The following CCDC88A variants were observed in gnomAD, a reference collection of about 807,000 sequenced individuals.
The protein encoded by CCDC88A is coiled-coil and HOOK domain protein 88A.
A neutral mutation model predicts 234.3 loss-of-function variants in CCDC88A; 54 were observed. The observed-to-expected ratio is 0.23, with a 90% CI of 0.19 to 0.29. CCDC88A has a LOEUF of 0.29. CCDC88A is among the 10% of genes least tolerant of loss of function. The pLI, the probability that CCDC88A is intolerant of heterozygous loss-of-function variation, is 1.00. For missense variants in CCDC88A, 1,832 were observed against 2,123.4 expected, an observed-to-expected ratio of 0.86 and a Z score of 2.70; for synonymous variants, 753 against 737.8, an observed-to-expected ratio of 1.02 and a Z score of -0.33.
intron 12 of CCDC88A, 88 bp from the exon 13 acceptor site, chr2:55,339,736 T>C: frequency 1.0e-6 from 1 of 986,594 alleles, no homozygotes; most frequent in Non-Finnish European, 1.5e-6. Flanking sequence ...TGAGTGTATA[T>C]GCATTGCATC....
At chr2:55,359,089 AGC>A (rs1670959154) in intron 7 of CCDC88A, among the ~76,000 whole-genome samples, 1 of 152,198 alleles carries the variant, frequency 6.6e-6, no homozygotes, top group Admixed American at 6.5e-5. Context: ...ATTATATGCT[AGC>A]TCATATTTTG....
At chr2:55,371,950 T>C (rs1018571131) in intron 5 of CCDC88A, among the ~76,000 whole-genome samples, 8 of 152,208 alleles carry the variant, frequency 5.3e-5, no homozygotes, top group Non-Finnish European at 8.8e-5. Flanking sequence ...CTATAAATCA[T>C]AGCTATTATT....
At chr2:55,375,469 CTATATATATATATA>C (rs869279076) in intron 3 of CCDC88A, among the ~76,000 whole-genome samples, 1,230 of 26,574 alleles carry the variant, frequency 0.046, 25 homozygotes, top group Admixed American at 0.097. Flanking sequence ...TGTCACTGTA[CTATATATATATATA>C]TATATATATA....
chr2:55,370,641 C>CA (rs567431857), intron 5 of CCDC88A, among the ~76,000 whole-genome samples: 564 of 47,498 alleles, frequency 0.012, 22 homozygotes, highest in South Asian at 0.022. Flanking sequence ...AACTCTGTCT[C>CA]AAAAAAAAAA....
chr2:55,342,473 C>T (rs931598530), intron 12 of CCDC88A, among the ~76,000 whole-genome samples: 8 of 152,150 alleles, frequency 5.3e-5, no homozygotes, highest in African/African-American at 1.9e-4. Flanking sequence ...AGATGATATT[C>T]ACTATTTTGT....
Position 55,332,426 on chromosome 2 carries a change from A to G in CCDC88A, c.2855+140T>C, listed in dbSNP as rs1447084545. The G allele has an allele frequency of 1.5e-6, 2 of 1,349,772 alleles. No individual in the cohort carries two copies. Among genetic ancestry groups the G allele is most frequent in the Non-Finnish European group, 1.9e-6 (2 of 1,049,786 alleles). The allele number at this position is 1,349,772 out of a possible 1,614,324, so 83.6% of individuals were successfully genotyped here. A position where few individuals can be genotyped will look rare whatever the true frequency, so the allele number is the denominator to read the frequency against. ...TGTGAGCCACCGCACCCGGCTACAGAACTTTCCTTAAGGGAAGGAAGGAAC... is the reference window on the plus strand; with the variant it reads ...TGTGAGCCACCGCACCCGGCTACAGGACTTTCCTTAAGGGAAGGAAGGAAC... On this transcript the variant is annotated intron_variant, in intron 16 of 32. Coordinates refer to ENST00000436346, the MANE Select transcript of CCDC88A (RefSeq NM_001365480.1). The surrounding 1 kb of genome is among the most constrained non-coding windows in gnomAD (Gnocchi z 4.5).
At chr2:55,413,506 T>G (rs1043668616) in intron 2 of CCDC88A, among the ~76,000 whole-genome samples, 1 of 152,210 alleles carries the variant, frequency 6.6e-6, no homozygotes, top group Non-Finnish European at 1.5e-5. Context: ...CAAGTCTATG[T>G]CTATCTGACA....
chr2:55,336,408 T>A (rs1685467269), intron 14 of CCDC88A, among the ~76,000 whole-genome samples: 1 of 152,050 alleles, frequency 6.6e-6, no homozygotes. Context: ...GGCAGCCCTA[T>A]TCCACAGACA....
intron 2 of CCDC88A, among the ~76,000 whole-genome samples, chr2:55,402,165 T>C (rs1323975954): frequency 1.3e-5 from 2 of 152,024 alleles, no homozygotes; most frequent in Middle Eastern, 3.2e-3. Flanking sequence ...AAATTTAAAA[T>C]AAAGAATTTT....
intron 2 of CCDC88A, among the ~76,000 whole-genome samples, chr2:55,401,363 G>C (rs1315899905): frequency 6.8e-6 from 1 of 147,758 alleles, no homozygotes; most frequent in East Asian, 2.0e-4. Context: ...GAGGCCAGGA[G>C]TCAGAAGCTT....
At chr2:55,294,900 C>T in intron 31 of CCDC88A, 1 of 1,123,306 alleles carries the variant, frequency 8.9e-7, no homozygotes, top group Non-Finnish European at 1.1e-6. Context: ...TACACATTCA[C>T]ATTAATATAC....
intron 2 of CCDC88A, among the ~76,000 whole-genome samples, chr2:55,395,726 A>C (rs535183807): frequency 1.3e-5 from 2 of 152,356 alleles, no homozygotes; most frequent in African/African-American, 2.4e-5. Context: ...TGTCTCAAAA[A>C]TCAGTTGACT....
chr2:55,328,360 A>G lies in CCDC88A; in HGVS notation c.2931T>C (p.Ala977=), dbSNP rs774231300. 3.1e-6 allele frequency: 5 copies of G among 1,602,222 alleles called. No homozygotes were observed. The highest frequency in any genetic ancestry group is 8.5e-7 in the Non-Finnish European group (1 of 1,174,864). The change falls in exon 17 of 33, where the codon GCT becomes GCC. Residue 977 remains alanine, a synonymous_variant. Coordinates refer to ENST00000436346, the MANE Select transcript of CCDC88A (RefSeq NM_001365480.1). This position sits in a 1 kb window ranked among gnomAD's most constrained non-coding sequence, Gnocchi z 4.3. ...ATTCTTCTAATCGAGCTTCTAAAGC[A>G]GCAATTTTTTCTTCTTTTATTTCAA... ...KSLEIKEEKI[A]ALEARLEEST...
chr2:55,380,635 A>G (rs1344147144), intron 3 of CCDC88A, among the ~76,000 whole-genome samples: 1 of 152,118 alleles, frequency 6.6e-6, no homozygotes. Flanking sequence ...TATTTTTTTG[A>G]GACAGAGTCT....
chr2:55,391,151 T>G (rs1378737048), intron 2 of CCDC88A, among the ~76,000 whole-genome samples: 1 of 151,806 alleles, frequency 6.6e-6, no homozygotes, highest in East Asian at 1.9e-4. Flanking sequence ...TAGAGTGGAG[T>G]AGACTTAATG....
At chr2:55,355,263 G>C (rs923787056) in intron 8 of CCDC88A, 1 of 270,930 alleles carries the variant, frequency 3.7e-6, no homozygotes, top group East Asian at 1.1e-4. Flanking sequence ...ATCTCCATCA[G>C]TAGTTCCTAG....
rs1415951060 is a variant in CCDC88A at position 55,301,294 on chromosome 2, A to C, written c.4673-17T>G. 1.0e-5 allele frequency: 13 copies of C among 1,294,816 alleles called. No homozygotes were observed. Among genetic ancestry groups the C allele is most frequent in the Non-Finnish European group, 1.4e-5 (13 of 915,996 alleles). The allele number at this position is 1,294,816 out of a possible 1,614,324, so 80.2% of individuals were successfully genotyped here. On this transcript the variant is annotated splice_polypyrimidine_tract_variant and intron_variant, in intron 27 of 32. Coordinates refer to ENST00000436346, the MANE Select transcript of CCDC88A (RefSeq NM_001365480.1). ...ATGTAGTATCTACATAAAATAGCAA[A>C]ATGGATATAAAGATATTTTTGTAAT...
At chr2:55,403,954 T>C (rs6724840) in intron 2 of CCDC88A, 131,496 of 152,178 alleles carry the variant, frequency 0.86, 57,213 homozygotes, top group Admixed American at 0.93. Flanking sequence ...TAGTAATTGC[T>C]CCAGATCTAC....
intron 2 of CCDC88A, among the ~76,000 whole-genome samples, chr2:55,393,443 A>G (rs1295938751): frequency 1.3e-5 from 2 of 151,602 alleles, no homozygotes; most frequent in South Asian, 2.1e-4. Context: ...GGCACGTGCC[A>G]CCACGCCCGG....
Sources: allele counts gnomAD v4.1 joint callset (sites outside exome capture counted in the v4.1 genomes callset), GRCh38; gene constraint gnomAD v4.1.1; non-coding constraint Gnocchi (gnomAD v3.1); transcripts MANE v1.5; gene names NCBI Gene and HGNC (gene_info 2026-07-23, HGNC 2026-07-21).